KCNH1: variants seen among roughly 807,000 people sequenced by gnomAD.
KCNH1 encodes potassium voltage-gated channel subfamily H member 1, also known as voltage-gated delayed rectifier potassium channel KCNH1.
Under a neutral mutation model 69.2 loss-of-function variants are expected in KCNH1, and 27 were observed. The ratio of observed to expected loss-of-function variants is 0.39; its 90% CI spans 0.29 to 0.54. The LOEUF (loss-of-function observed/expected upper bound fraction) is 0.54, where lower values mean the gene tolerates loss of function less well. Among genes scored for constraint, KCNH1 ranks in the 20% least tolerant of loss-of-function variants. KCNH1 has a pLI of 0.68. For synonymous variants in KCNH1, 456 were observed against 487.7 expected (o/e 0.93, Z 0.86); for missense variants, 798 against 1,261.6 (o/e 0.63, Z 5.57).
chr1:211,091,056 T>C (rs142122741), intron 3 of KCNH1, among the ~76,000 whole-genome samples: 34 of 152,288 alleles, frequency 2.2e-4, no homozygotes, highest in South Asian at 1.2e-3. Flanking sequence ...GGGGACAAGA[T>C]AGGTCCTGCC....
At chr1:210,804,660 A>C (rs749772238) in intron 7 of KCNH1, among the ~76,000 whole-genome samples, 3 of 152,222 alleles carry the variant, frequency 2.0e-5, no homozygotes, top group Non-Finnish European at 4.4e-5. Flanking sequence ...CAAGGACAGG[A>C]TGGTGAATAA....
At chr1:210,871,474 C>A (rs1222385385) in intron 7 of KCNH1, among the ~76,000 whole-genome samples, 1 of 152,182 alleles carries the variant, frequency 6.6e-6, no homozygotes, top group Non-Finnish European at 1.5e-5. Flanking sequence ...CCAGTTCAAC[C>A]ATTGTGGAAG....
At chr1:210,856,779 T>TTATA (rs71134640) in intron 7 of KCNH1, among the ~76,000 whole-genome samples, 53 of 121,746 alleles carry the variant, frequency 4.4e-4, no homozygotes, top group Admixed American at 8.2e-4. Flanking sequence ...TATATATATG[T>TTATA]TATATATATA....
chr1:210,831,083 A>G (rs1346561121), intron 7 of KCNH1, among the ~76,000 whole-genome samples: 1 of 152,246 alleles, frequency 6.6e-6, no homozygotes, highest in Non-Finnish European at 1.5e-5. Context: ...CTGACCAAGC[A>G]TTTGAGAAAG....
intron 6 of KCNH1, among the ~76,000 whole-genome samples, chr1:210,988,844 C>T (rs1452810404): frequency 1.3e-5 from 2 of 152,182 alleles, no homozygotes; most frequent in East Asian, 3.8e-4. Context: ...TTATGATTTG[C>T]TGCCTGCTTG....
intron 4 of KCNH1, among the ~76,000 whole-genome samples, chr1:211,088,025 C>G (rs922145793): frequency 2.0e-5 from 3 of 152,134 alleles, no homozygotes; most frequent in African/African-American, 7.2e-5. Flanking sequence ...TTCTTGCACA[C>G]TATCAGGATG....
chr1:210,874,723 T>A (rs1423842802), intron 7 of KCNH1, among the ~76,000 whole-genome samples: 5 of 152,170 alleles, frequency 3.3e-5, no homozygotes, highest in Non-Finnish European at 4.4e-5. Flanking sequence ...TATAGCAGCA[T>A]ACATACATAT....
intron 6 of KCNH1, among the ~76,000 whole-genome samples, chr1:210,984,640 G>A (rs1688792450): frequency 6.6e-6 from 1 of 152,140 alleles, no homozygotes; most frequent in East Asian, 1.9e-4. Flanking sequence ...GATCATGGTG[G>A]CTAAGCATGG....
At chr1:210,884,142 A>G (rs572733463) in intron 7 of KCNH1, among the ~76,000 whole-genome samples, 88 of 152,340 alleles carry the variant, frequency 5.8e-4, no homozygotes, top group Non-Finnish European at 9.4e-4. Context: ...ACGTGCATGC[A>G]TAGAGCCATG....
At chr1:210,957,782 C>A (rs1688207625) in intron 6 of KCNH1, among the ~76,000 whole-genome samples, 2 of 152,100 alleles carry the variant, frequency 1.3e-5, no homozygotes, top group Non-Finnish European at 2.9e-5. Flanking sequence ...CTTCCTCCAT[C>A]CGTTTATTTT....
intron 1 of KCNH1, among the ~76,000 whole-genome samples, chr1:211,129,391 A>G (rs1691838378): frequency 6.6e-6 from 1 of 152,240 alleles, no homozygotes; most frequent in South Asian, 2.1e-4. Context: ...GTTGACCCAC[A>G]GTGTTCCTCA....
At chr1:210,789,506 T>C (rs1049267467) in intron 9 of KCNH1, among the ~76,000 whole-genome samples, 1 of 152,198 alleles carries the variant, frequency 6.6e-6, no homozygotes, top group Non-Finnish European at 1.5e-5. Context: ...AATAATGCTG[T>C]CAAGACATCT....
intron 6 of KCNH1, among the ~76,000 whole-genome samples, chr1:210,927,958 A>G (rs548075257): frequency 6.6e-6 from 1 of 152,322 alleles, no homozygotes; most frequent in East Asian, 1.9e-4. Flanking sequence ...AGCTAAAAAA[A>G]GACAAAGGGG....
intron 7 of KCNH1, among the ~76,000 whole-genome samples, chr1:210,808,512 A>G (rs2102412385): frequency 6.6e-6 from 1 of 152,200 alleles, no homozygotes; most frequent in East Asian, 1.9e-4. Flanking sequence ...ATTACATTAA[A>G]GGTGGATAAT....
chr1:211,025,971 G>C (rs11119664), intron 5 of KCNH1, among the ~76,000 whole-genome samples: 67,986 of 151,984 alleles, frequency 0.45, 16,104 homozygotes, highest in African/African-American at 0.58. Context: ...CTAGAGTTCA[G>C]GGCCTTTGCA....
chr1:210,775,315 C>T, intron 10 of KCNH1, 33 bp downstream of exon 10: 1 of 1,592,540 alleles, frequency 6.3e-7, no homozygotes, highest in African/African-American at 1.3e-5. Context: ...AGAGACTGTT[C>T]TTTGTGGAAA....
In KCNH1 at chr1:211,076,951, T is replaced by G. The variant is rs569996853; in HGVS notation, c.558+5829A>C. On this transcript the variant is annotated intron_variant, in intron 5 of 10. Transcript: ENST00000271751. Reference sequence around the variant, plus strand: ...GAGCTGAAAACCATGGCACAAGAACTATGCGACACATGCACAAGCTTCAAT... The same window carrying G: ...GAGCTGAAAACCATGGCACAAGAACGATGCGACACATGCACAAGCTTCAAT... Among the ~76,000 whole-genome samples the G allele has an allele frequency of 6.6e-5, 10 of 152,262 alleles. No individual in the cohort carries two copies. In the East Asian group the frequency reaches 1.9e-3, roughly 29 times the overall value.
chr1:210,783,905 A>G (rs919651075), intron 9 of KCNH1, among the ~76,000 whole-genome samples: 1 of 152,224 alleles, frequency 6.6e-6, no homozygotes, highest in Non-Finnish European at 1.5e-5. Flanking sequence ...TGATAGAGGT[A>G]TATACAAAGG....
At chr1:210,901,284 T>C (rs1428844251) in intron 7 of KCNH1, among the ~76,000 whole-genome samples, 1 of 152,170 alleles carries the variant, frequency 6.6e-6, no homozygotes, top group Admixed American at 6.5e-5. Context: ...CTGGTCTTGT[T>C]GGTCCCACCT....
Sources: allele counts gnomAD v4.1 joint callset (sites outside exome capture counted in the v4.1 genomes callset), GRCh38; gene constraint gnomAD v4.1.1; transcripts MANE v1.5; gene names NCBI Gene and HGNC (gene_info 2026-07-23, HGNC 2026-07-21).